The following AKAP13 variants were observed in gnomAD, a reference collection of about 807,000 sequenced individuals.
AKAP13 encodes A-kinase anchor protein 13.
Under a neutral mutation model 264.5 loss-of-function variants are expected in AKAP13, and 80 were observed. The ratio of observed to expected loss-of-function variants is 0.30; its 90% confidence interval spans 0.25 to 0.36. The LOEUF is 0.36. Among genes scored for constraint, AKAP13 ranks in the 10% least tolerant of loss-of-function variants. The pLI is 1.00. For synonymous variants in AKAP13, 1,380 were observed against 1,250.2 expected, an observed-to-expected ratio of 1.10 and a Z score of -2.19; for missense variants, 3,712 against 3,435.2, an observed-to-expected ratio of 1.08 and a Z score of -2.01.
chr15:85,716,404 AT>A (rs1313566228), intron 20 of AKAP13, among the ~76,000 whole-genome samples: 7 of 152,072 alleles, frequency 4.6e-5, no homozygotes, highest in Admixed American at 4.6e-4. Flanking sequence ...AATTATTACT[AT>A]TAGGTTCTCA....
chr15:85,578,828 A>T, intron 6 of AKAP13, 102 bp from the exon 7 acceptor site: 1 of 1,041,582 alleles, frequency 9.6e-7, no homozygotes, highest in Non-Finnish European at 1.4e-6. Context: ...TAGAAGAGCT[A>T]GAATAGAAGT....
At chr15:85,546,179 G>T (rs1211709244) in intron 5 of AKAP13, among the ~76,000 whole-genome samples, 7 of 152,084 alleles carry the variant, frequency 4.6e-5, no homozygotes, top group Non-Finnish European at 1.0e-4. Context: ...TGCTAAAAAA[G>T]AATGTATTTC....
At position 85,719,056 on chromosome 15, in the gene AKAP13, G is replaced by C. The variant is rs2151721066; in HGVS notation, c.6002-20G>C. On this transcript the variant is annotated intron_variant, in intron 22 of 36. Transcript: ENST00000394518. The stretch of plus-strand genomic sequence containing the variant: ...TTATAAAAGAGTGTTCCTGACACTT[G>C]ATCTTTTTCCTCCTTTTAGAGTTGA... 1 of 1,612,170 alleles carries C rather than the reference G, an allele frequency of 6.2e-7. No individual in the cohort carries two copies.
At chr15:85,542,541 T>G (rs80293788) in intron 4 of AKAP13, among the ~76,000 whole-genome samples, 1,611 of 152,226 alleles carry the variant, frequency 0.011, 29 homozygotes, top group African/African-American at 0.037. Flanking sequence ...AAAGTCCGAG[T>G]GCTTAGTGAA....
intron 3 of AKAP13, among the ~76,000 whole-genome samples, chr15:85,529,240 T>A (rs1203745537): frequency 6.6e-6 from 1 of 152,062 alleles, no homozygotes; most frequent in Non-Finnish European, 1.5e-5. Context: ...GCTAATGCAA[T>A]GAAACCCCAT....
At chr15:85,399,544 AAAT>A (rs2071322292) in intron 1 of AKAP13, among the ~76,000 whole-genome samples, 1 of 140,580 alleles carries the variant, frequency 7.1e-6, no homozygotes, top group Non-Finnish European at 1.6e-5. Flanking sequence ...AAAAATAAAT[AAAT>A]AAATAAATAA....
Position 85,456,550 on chromosome 15 carries a change from G to GTT in AKAP13, c.-11-29144_-11-29143dup, listed in dbSNP as rs34952196. On this transcript the variant is annotated intron_variant, in intron 1 of 36. Coordinates refer to ENST00000394518, the MANE Select transcript of AKAP13 (RefSeq NM_007200.5). ...GTGTTCCCAGAGTAGCCCACTTTCTGTTTTTTTTTTTTTTTTTGAGACAGA... is the reference window on the plus strand; with the variant it reads ...GTGTTCCCAGAGTAGCCCACTTTCTGTTTTTTTTTTTTTTTTTTTGAGACAGA... 2.8e-3 allele frequency among the ~76,000 whole-genome samples: 343 copies of GTT among 121,844 alleles called. 3 individuals carry two copies. Among genetic ancestry groups the GTT allele is most frequent in the African/African-American group, 9.6e-3 (300 of 31,116 alleles). The allele number at this position is 121,844 out of a possible 152,430, so 79.9% of individuals were successfully genotyped here. A position where few individuals can be genotyped will look rare whatever the true frequency, so the allele number is the denominator to read the frequency against.
chr15:85,717,517 A>C, intron 21 of AKAP13, 115 bp downstream of exon 21: 1 of 733,986 alleles, frequency 1.4e-6, no homozygotes. Flanking sequence ...TATCCCGTGA[A>C]GATTCTCTAA....
chr15:85,548,584 G>C (rs567183942), intron 5 of AKAP13, among the ~76,000 whole-genome samples: 1 of 151,928 alleles, frequency 6.6e-6, no homozygotes, highest in Admixed American at 6.6e-5. Flanking sequence ...ACATCACAAG[G>C]TTATTTTAAC....
intron 1 of AKAP13, among the ~76,000 whole-genome samples, chr15:85,381,206 G>A (rs1272665274): frequency 1.3e-5 from 2 of 152,076 alleles, no homozygotes; most frequent in Non-Finnish European, 2.9e-5. Flanking sequence ...CTCCTCCCCT[G>A]GGGCGGGCGG....
At chr15:85,454,517 AT>A (rs2074212399) in intron 1 of AKAP13, among the ~76,000 whole-genome samples, 2 of 151,802 alleles carry the variant, frequency 1.3e-5, no homozygotes, top group African/African-American at 4.8e-5. Context: ...ATTAATCCCA[AT>A]GAGAGTACCT....
chr15:85,581,724 C>T lies in AKAP13; in HGVS notation c.3656C>T (p.Pro1219Leu), dbSNP rs770427711. The T allele has an allele frequency of 1.3e-5, 21 of 1,614,030 alleles. No homozygotes were observed. Among genetic ancestry groups the T allele is most frequent in the South Asian group, 5.5e-5 (5 of 91,094 alleles). ...GGTGTGAGGGAAGTCATGCGAGCCC[C>T]GCCTTCAGGCAGGGAAAGGAGCACT... is the stretch of plus-strand genomic sequence containing the variant. ...PAGVREVMRA[P>L]PSGRERSTPS... Residue 1219 changes from proline (P) to leucine (L), a missense_variant, in exon 7 of 37, where the codon CCG becomes CTG. This residue lies in a region of AKAP13 where 2,759 missense variants were observed against 2,411.7 expected (regional missense o/e 1.14). Coordinates refer to ENST00000394518, the MANE Select transcript of AKAP13 (RefSeq NM_007200.5).
At chr15:85,565,194 G>A (rs1398037652) in intron 5 of AKAP13, among the ~76,000 whole-genome samples, 1 of 151,976 alleles carries the variant, frequency 6.6e-6, no homozygotes, top group Non-Finnish European at 1.5e-5. Context: ...ACAATTGGTG[G>A]TAAAGTACCA....
Position 85,580,166 on chromosome 15 carries a change from T to A in AKAP13, c.2098T>A (p.Ser700Thr). 1 of 1,614,112 alleles carries A rather than the reference T, an allele frequency of 6.2e-7. No individual in the cohort carries two copies. The highest frequency in any genetic ancestry group is 8.5e-7 in the Non-Finnish European group (1 of 1,180,020). ...AAGCACCACAGCAAGGCAACCCAGC[T>A]CACAAGATCCACCCGATGCCTCCCA... ...SESTTARQPS[S>T]QDPPDASHCE... The change falls in exon 7 of 37, where the codon TCA (serine) becomes ACA (threonine). Residue 700 changes from serine to threonine, a missense_variant. Ser to Thr is a moderately conservative substitution (Grantham distance 58, BLOSUM62 1). This residue lies in a region of AKAP13 where 2,759 missense variants were observed against 2,411.7 expected (regional missense o/e 1.14). Coordinates refer to ENST00000394518, the MANE Select transcript of AKAP13 (RefSeq NM_007200.5).
At chr15:85,399,527 A>AAAAATAAAT (rs1567038675) in intron 1 of AKAP13, among the ~76,000 whole-genome samples, 1 of 114,740 alleles carries the variant, frequency 8.7e-6, no homozygotes, top group Non-Finnish European at 1.8e-5. Flanking sequence ...AAAAAATAAA[A>AAAAATAAAT]AAATAAAAAA....
chr15:85,695,782 CATA>C (rs967183146), intron 17 of AKAP13, among the ~76,000 whole-genome samples: 38 of 152,294 alleles, frequency 2.5e-4, no homozygotes, highest in African/African-American at 8.9e-4. Context: ...GCCACTACCA[CATA>C]ATAATAATTT....
At chr15:85,602,324 C>T (rs1462587487) in intron 8 of AKAP13, among the ~76,000 whole-genome samples, 2 of 151,640 alleles carry the variant, frequency 1.3e-5, no homozygotes. Context: ...TACAGGCGTG[C>T]GTCACCATGC....
chr15:85,649,474 T>C (rs2082706711), intron 10 of AKAP13, among the ~76,000 whole-genome samples: 1 of 152,218 alleles, frequency 6.6e-6, no homozygotes, highest in South Asian at 2.1e-4. Flanking sequence ...TGTTCCCAGG[T>C]TCTAACCCTC....
intron 12 of AKAP13, among the ~76,000 whole-genome samples, chr15:85,664,279 A>G (rs997032097): frequency 2.6e-5 from 4 of 152,242 alleles, no homozygotes; most frequent in Admixed American, 2.0e-4. Context: ...TGGTCTGTCC[A>G]TATAGTGTGT....
Sources: allele counts gnomAD v4.1 joint callset (sites outside exome capture counted in the v4.1 genomes callset), GRCh38; gene constraint gnomAD v4.1.1; regional missense constraint gnomAD v4.1.1; transcripts MANE v1.5; gene names NCBI Gene and HGNC (gene_info 2026-07-23, HGNC 2026-07-21).